The following CADM2 variants were observed in gnomAD, a reference collection of about 807,000 sequenced individuals.
The protein encoded by CADM2 is cell adhesion molecule 2.
A neutral mutation model predicts 49.8 loss-of-function variants in CADM2; 12 were observed. The ratio of observed to expected loss-of-function variants is 0.24; its 90% CI spans 0.15 to 0.39. The LOEUF is 0.39. Ranked by LOEUF, CADM2 falls within the 10% of genes least tolerant of loss-of-function variation. CADM2 has a pLI of 1.00. For missense variants in CADM2, 378 were observed against 492.3 expected (o/e 0.77, Z 2.20); for synonymous variants, 214 against 175.4 (o/e 1.22, Z -1.74).
At chr3:85,093,667 C>T (rs1382462443) in intron 1 of CADM2, among the ~76,000 whole-genome samples, 1 of 151,910 alleles carries the variant, frequency 6.6e-6, no homozygotes, top group Admixed American at 6.6e-5. Context: ...CGAGCACTAG[C>T]CCAAAGTATT....
chr3:85,801,551 T>G (rs927887631), intron 2 of CADM2, among the ~76,000 whole-genome samples: 16 of 152,144 alleles, frequency 1.1e-4, no homozygotes, highest in Non-Finnish European at 8.8e-5. Flanking sequence ...GTGGGATTCA[T>G]TTTTTATTTC....
intron 1 of CADM2, among the ~76,000 whole-genome samples, chr3:85,529,651 G>A (rs6796226): frequency 0.87 from 132,646 of 151,836 alleles, 58,085 homozygotes; most frequent in East Asian, 0.95. Context: ...CTGACCTCCA[G>A]CTGCCACCAC....
intron 2 of CADM2, among the ~76,000 whole-genome samples, chr3:85,730,440 T>TAAATAAAATAAAATAAAATAAAATA (rs57097045): frequency 4.8e-5 from 7 of 146,014 alleles, no homozygotes; most frequent in East Asian, 2.0e-4. Flanking sequence ...AGACTCTGTC[T>TAAATAAAATAAAATAAAATAAAATA]AAATAAAATA....
intron 6 of CADM2, among the ~76,000 whole-genome samples, chr3:85,924,104 GATGATTTA>G (rs781726462): frequency 1.6e-4 from 24 of 152,046 alleles, no homozygotes; most frequent in Non-Finnish European, 2.6e-4. Flanking sequence ...AGATTTATAA[GATGATTTA>G]ATGTTTCCAT....
At chr3:85,919,303 A>T (rs1945452593) in intron 6 of CADM2, among the ~76,000 whole-genome samples, 1 of 152,002 alleles carries the variant, frequency 6.6e-6, no homozygotes, top group Admixed American at 6.6e-5. Flanking sequence ...GTTTAAAGCA[A>T]TAAATAGTTA....
chr3:86,017,173 T>C (rs1174412708), intron 8 of CADM2, among the ~76,000 whole-genome samples: 2 of 71,038 alleles, frequency 2.8e-5, no homozygotes, highest in African/African-American at 1.3e-4. Flanking sequence ...TGTGTGTATA[T>C]ATATATATAT....
chr3:85,264,787 T>C (rs1410315951), intron 1 of CADM2, among the ~76,000 whole-genome samples: 1 of 152,086 alleles, frequency 6.6e-6, no homozygotes, highest in Non-Finnish European at 1.5e-5. Flanking sequence ...TATGTATTAT[T>C]TGTTTTAAAT....
At chr3:86,032,056 A>C (rs186162063) in intron 8 of CADM2, among the ~76,000 whole-genome samples, 2 of 151,688 alleles carry the variant, frequency 1.3e-5, no homozygotes, top group Admixed American at 6.6e-5. Context: ...TTTCTTCTCT[A>C]TGTGTCAATA....
At chr3:85,731,818 GA>G (rs1159371520) in intron 2 of CADM2, among the ~76,000 whole-genome samples, 1 of 151,864 alleles carries the variant, frequency 6.6e-6, no homozygotes, top group African/African-American at 2.4e-5. Flanking sequence ...TTATGACAAA[GA>G]GAGGCTTATA....
In CADM2 at chr3:85,382,526, A is replaced by G. The variant is rs78129437; in HGVS notation, c.62-343996A>G. ...CGCATATTTACCTGATACATCATAT[A>G]TAACATCTTATTCGCCAAACAAAAC... On this transcript the variant is annotated intron_variant, in intron 1 of 9. Coordinates refer to ENST00000383699, the MANE Select transcript of CADM2 (RefSeq NM_001167675.2). Among the ~76,000 whole-genome samples the G allele has an allele frequency of 6.6e-5, 10 of 152,324 alleles. No individual in the cohort carries two copies. The East Asian group carries it at 1.9e-3, about 29-fold the overall frequency.
At chr3:85,670,049 G>GA (rs531646869) in intron 1 of CADM2, among the ~76,000 whole-genome samples, 39 of 151,974 alleles carry the variant, frequency 2.6e-4, no homozygotes, top group Middle Eastern at 3.4e-3. Flanking sequence ...TCTGTAAATT[G>GA]AAAAAAATTA....
chr3:85,105,583 C>A (rs1207396905), intron 1 of CADM2, among the ~76,000 whole-genome samples: 6 of 152,138 alleles, frequency 3.9e-5, no homozygotes, highest in Non-Finnish European at 8.8e-5. Context: ...ACCCAGCCAT[C>A]CCATTACTGG....
At chr3:85,639,940 G>T (rs1432876522) in intron 1 of CADM2, among the ~76,000 whole-genome samples, 2 of 152,166 alleles carry the variant, frequency 1.3e-5, no homozygotes, top group Admixed American at 6.6e-5. Flanking sequence ...GAGAAGGCAA[G>T]ATCTTTGACA....
chr3:86,045,530 T>C (rs1014417715), intron 8 of CADM2, among the ~76,000 whole-genome samples: 1 of 152,150 alleles, frequency 6.6e-6, no homozygotes, highest in Admixed American at 6.5e-5. Context: ...TGCTGTGAAA[T>C]TGAACCACAT....
intron 1 of CADM2, among the ~76,000 whole-genome samples, chr3:85,272,641 C>G (rs1355480009): frequency 1.3e-5 from 2 of 151,294 alleles, no homozygotes; most frequent in Non-Finnish European, 3.0e-5. Context: ...TAGAACAGAA[C>G]TACTAAAAAC....
chr3:85,990,822 G>A (rs910241639), intron 8 of CADM2, among the ~76,000 whole-genome samples: 5 of 152,130 alleles, frequency 3.3e-5, no homozygotes, highest in East Asian at 1.9e-4. Context: ...AAAGCCATGC[G>A]AGGCTTCTTA....
intron 1 of CADM2, among the ~76,000 whole-genome samples, chr3:85,438,270 C>T (rs917328141): frequency 6.6e-6 from 1 of 151,576 alleles, no homozygotes; most frequent in South Asian, 2.1e-4. Flanking sequence ...TCCAATATTT[C>T]ATTTTCATAG....
intron 2 of CADM2, among the ~76,000 whole-genome samples, chr3:85,775,191 T>G (rs2107969351): frequency 6.6e-6 from 1 of 151,738 alleles, no homozygotes; most frequent in South Asian, 2.1e-4. Flanking sequence ...AGTAAGGATT[T>G]TTAGTATCTA....
chr3:85,035,174 A>G lies in CADM2; in HGVS notation c.61+75506A>G, dbSNP rs1199314847. Among the ~76,000 whole-genome samples the G allele has an allele frequency of 2.0e-5, 3 of 152,160 alleles. No homozygotes were observed. In the East Asian group the frequency reaches 5.8e-4, roughly 29 times the overall value. On this transcript the variant is annotated intron_variant, in intron 1 of 9. Transcript: ENST00000383699. ...AATTTGCATTTTTCTAATGATAGTG[A>G]TTTTGAGCACCTTTTCGTCTACCTG... is the stretch of plus-strand genomic sequence containing the variant.
Sources: allele counts gnomAD v4.1 joint callset (sites outside exome capture counted in the v4.1 genomes callset), GRCh38; gene constraint gnomAD v4.1.1; transcripts MANE v1.5; gene names NCBI Gene and HGNC (gene_info 2026-07-23, HGNC 2026-07-21).